The following PCSK6 variants were observed in gnomAD, a reference collection of about 807,000 sequenced individuals.
PCSK6 encodes the protein paired basic amino acid cleaving enzyme 4.
In PCSK6, 85 loss-of-function variants were observed where a neutral mutation model predicts 123.3. The ratio of observed to expected loss-of-function variants is 0.69; its 90% CI spans 0.58 to 0.83. PCSK6 has a LOEUF of 0.83. Ranked by LOEUF, PCSK6 falls within the 40% of genes least tolerant of loss-of-function variation. The probability of loss-of-function intolerance (pLI) is 0.00; values close to 1 mark genes in which losing one functional copy is unlikely to be tolerated. For missense variants in PCSK6, 1,191 were observed against 1,282.3 expected, an observed-to-expected ratio of 0.93 and a Z score of 1.09; for synonymous variants, 508 against 516.0, an observed-to-expected ratio of 0.98 and a Z score of 0.21.
At chr15:101,368,012 A>G (rs751584799) in intron 12 of PCSK6, among the ~76,000 whole-genome samples, 1 of 152,168 alleles carries the variant, frequency 6.6e-6, no homozygotes, top group Non-Finnish European at 1.5e-5. Context: ...TTTAGTAGAG[A>G]CAAGAGTTGG....
chr15:101,313,319 C>T, intron 20 of PCSK6, 57 bp downstream of exon 20: 2 of 1,612,224 alleles, frequency 1.2e-6, no homozygotes, highest in Non-Finnish European at 1.7e-6. Flanking sequence ...ACTCTGCCCT[C>T]CAGGCACTCC....
intron 10 of PCSK6, among the ~76,000 whole-genome samples, chr15:101,383,072 T>C (rs2041953328): frequency 6.6e-6 from 1 of 152,102 alleles, no homozygotes; most frequent in African/African-American, 2.4e-5. Context: ...CTAACATAAA[T>C]ACTACGGCCA....
At position 101,324,802 on chromosome 15, in the gene PCSK6, A is replaced by T. The variant is rs2040209627; in HGVS notation, c.2377+48T>A. On this transcript the variant is annotated intron_variant, in intron 17 of 21. Transcript: ENST00000611716. ...CTGGAGAGAGGACACGGGCCCAGAA[A>T]GTTGGGGCTGGCTCATCAGTTCTTG... The T allele has an allele frequency of 2.0e-6, 3 of 1,509,878 alleles. No homozygotes were observed. In the African/African-American group the frequency reaches 4.1e-5, roughly 21 times the overall value. 93.5% of individuals were successfully genotyped at this position (1,509,878 alleles called of 1,614,324 possible).
At chr15:101,403,811 C>T (rs1373142800) in intron 6 of PCSK6, among the ~76,000 whole-genome samples, 2 of 152,144 alleles carry the variant, frequency 1.3e-5, no homozygotes, top group Non-Finnish European at 2.9e-5. Context: ...CCTCCGCCTC[C>T]CGGGTTCAAG....
At chr15:101,408,409 G>A (rs1260143910) in intron 6 of PCSK6, among the ~76,000 whole-genome samples, 4 of 152,338 alleles carry the variant, frequency 2.6e-5, no homozygotes, top group African/African-American at 9.6e-5. Flanking sequence ...CACAGCATTC[G>A]AGAGCTAGCC....
intron 8 of PCSK6, among the ~76,000 whole-genome samples, chr15:101,390,569 G>C (rs2042204614): frequency 6.6e-6 from 1 of 152,200 alleles, no homozygotes; most frequent in African/African-American, 2.4e-5. Context: ...TGGCATTGAA[G>C]AGGGAGCTGA....
chr15:101,345,382 A>G (rs35120005), intron 13 of PCSK6, among the ~76,000 whole-genome samples: 30,703 of 152,150 alleles, frequency 0.2, 3,382 homozygotes, highest in South Asian at 0.3. Context: ...TTTTTTAGAG[A>G]CACTAATATT....
intron 1 of PCSK6, among the ~76,000 whole-genome samples, chr15:101,488,957 G>A (rs2058088527): frequency 6.7e-6 from 1 of 149,728 alleles, no homozygotes; most frequent in African/African-American, 2.4e-5. Flanking sequence ...CTCCCCCGCG[G>A]GGGAGAGCCG....
At chr15:101,320,937 A>C (rs2040106758) in intron 18 of PCSK6, among the ~76,000 whole-genome samples, 1 of 152,176 alleles carries the variant, frequency 6.6e-6, no homozygotes, top group Non-Finnish European at 1.5e-5. Flanking sequence ...TTTTCTCTTT[A>C]GCACACCATT....
At chr15:101,479,073 C>T (rs983664870) in intron 1 of PCSK6, among the ~76,000 whole-genome samples, 5 of 152,192 alleles carry the variant, frequency 3.3e-5, no homozygotes, top group East Asian at 1.9e-4. Context: ...CACGTAAAGA[C>T]GCAGACTATG....
At chr15:101,332,247 T>C (rs1449348860) in intron 13 of PCSK6, among the ~76,000 whole-genome samples, 4 of 152,214 alleles carry the variant, frequency 2.6e-5, no homozygotes, top group Non-Finnish European at 5.9e-5. Flanking sequence ...TGCCCTTTTA[T>C]TCCTGTTCTA....
intron 1 of PCSK6, among the ~76,000 whole-genome samples, chr15:101,478,270 T>G (rs752963741): frequency 5.3e-5 from 8 of 152,244 alleles, no homozygotes; most frequent in East Asian, 3.9e-4. Flanking sequence ...GGGGCAATCA[T>G]CAGCAGTGCC....
chr15:101,326,614 G>T, intron 15 of PCSK6, 135 bp from the exon 16 acceptor site: 1 of 793,246 alleles, frequency 1.3e-6, no homozygotes, highest in Non-Finnish European at 2.0e-6. Context: ...GGGCTGGACG[G>T]CCAGACGACA....
At chr15:101,390,600 G>A (rs1233950277) in intron 8 of PCSK6, among the ~76,000 whole-genome samples, 3 of 152,174 alleles carry the variant, frequency 2.0e-5, no homozygotes. Flanking sequence ...AATGAATGTG[G>A]GTGGCCTCCA....
intron 11 of PCSK6, among the ~76,000 whole-genome samples, chr15:101,381,067 A>T (rs1380401650): frequency 2.7e-5 from 4 of 148,534 alleles, no homozygotes; most frequent in East Asian, 2.0e-4. Context: ...TTTTTTTTTT[A>T]AATAAAAATT....
chr15:101,419,372 C>T (rs2056001746), intron 6 of PCSK6, among the ~76,000 whole-genome samples: 1 of 151,780 alleles, frequency 6.6e-6, no homozygotes, highest in African/African-American at 2.4e-5. Flanking sequence ...TGTATAAAAT[C>T]GATATGGAGA....
At chr15:101,365,126 C>T (rs781648255) in intron 13 of PCSK6, 12 of 599,282 alleles carry the variant, frequency 2.0e-5, no homozygotes, top group Middle Eastern at 2.6e-4. Flanking sequence ...CCCTACCTCA[C>T]ACCATATACA....
Position 101,378,992 on chromosome 15 carries a change from T to C in PCSK6, c.1532+3100A>G, listed in dbSNP as rs74032808. On this transcript the variant is annotated intron_variant, in intron 11 of 21. Transcript: ENST00000611716. ...CTTTCCGCGCCTTTGGGCCTGAGCATGACTCGGGCAGGCGGGGCTGTGATG... is the reference window on the plus strand; with the variant it reads ...CTTTCCGCGCCTTTGGGCCTGAGCACGACTCGGGCAGGCGGGGCTGTGATG... Among the ~76,000 whole-genome samples the C allele has an allele frequency of 7.1e-3, 1,080 of 152,238 alleles. 13 individuals are homozygous for C. Among genetic ancestry groups the C allele is most frequent in the African/African-American group, 0.024 (993 of 41,474 alleles).
intron 1 of PCSK6, among the ~76,000 whole-genome samples, chr15:101,452,984 T>C (rs1001261050): frequency 1.6e-4 from 25 of 152,328 alleles, no homozygotes; most frequent in African/African-American, 5.8e-4. Context: ...AAGTTTGTGA[T>C]TGTTTCAAAA....
Sources: gnomAD v4.1 joint callset for allele counts (sites outside exome capture counted in the v4.1 genomes callset) on GRCh38, gnomAD v4.1.1 for gene constraint, MANE v1.5 for transcripts, NCBI Gene and HGNC (gene_info 2026-07-23, HGNC 2026-07-21) for gene names.